TASP1: variants seen among roughly 807,000 people sequenced by gnomAD.
The protein encoded by TASP1 is threonine aspartase 1.
Under a neutral mutation model 56.6 loss-of-function variants are expected in TASP1, and 16 were observed. The observed-to-expected ratio is 0.28, with a 90% CI of 0.19 to 0.43. The LOEUF (loss-of-function observed/expected upper bound fraction) is 0.43. Among genes scored for constraint, TASP1 ranks in the 20% least tolerant of loss-of-function variants. The pLI, the probability that TASP1 is intolerant of heterozygous loss-of-function variation, is 1.00. For missense variants in TASP1, 393 were observed against 511.6 expected, an observed-to-expected ratio of 0.77 and a Z score of 2.24; for synonymous variants, 179 against 184.2, an observed-to-expected ratio of 0.97 and a Z score of 0.23.
At chr20:13,351,199 G>T in the TASP1 span, among the ~76,000 whole-genome samples, 2 of 152,144 alleles carry the variant, frequency 1.3e-5, no homozygotes, top group Non-Finnish European at 2.9e-5. Context: ...AACATGCAGA[G>T]CTACTGGAAC....
the TASP1 span, among the ~76,000 whole-genome samples, chr20:13,120,244 G>C: frequency 5.3e-5 from 8 of 152,156 alleles, no homozygotes; most frequent in Non-Finnish European, 1.0e-4. Context: ...TAGATAGATA[G>C]TTGATAGACA....
At chr20:13,538,498 T>C (rs1382405158) in intron 8 of TASP1, among the ~76,000 whole-genome samples, 1 of 152,214 alleles carries the variant, frequency 6.6e-6, no homozygotes, top group East Asian at 1.9e-4. Flanking sequence ...CCTCCTCGTA[T>C]ACCTCTGTCA....
chr20:13,290,684 G>A, the TASP1 span, among the ~76,000 whole-genome samples: 14 of 152,032 alleles, frequency 9.2e-5, no homozygotes, highest in Non-Finnish European at 1.9e-4. Flanking sequence ...GAAAGAAAAT[G>A]AAGATAAAGG....
At chr20:13,126,366 C>T in the TASP1 span, among the ~76,000 whole-genome samples, 2 of 152,194 alleles carry the variant, frequency 1.3e-5, no homozygotes, top group Non-Finnish European at 2.9e-5. Context: ...AAACCTGCAG[C>T]ATCCTGCTTT....
chr20:13,449,047 T>C (rs958487695), intron 11 of TASP1, among the ~76,000 whole-genome samples: 1 of 152,116 alleles, frequency 6.6e-6, no homozygotes, highest in Non-Finnish European at 1.5e-5. Context: ...ATTAAAACTT[T>C]TTTTTCTGGG....
In TASP1 at chr20:13,567,711, C is replaced by G. The variant is rs151215199; in HGVS notation, c.568+1796G>C. Among the ~76,000 whole-genome samples the G allele has an allele frequency of 3.2e-3, 493 of 152,182 alleles. 2 individuals carry two copies. The highest frequency in any genetic ancestry group is 0.012 in the East Asian group (60 of 5,176). On this transcript the variant is annotated intron_variant, in intron 7 of 13. Coordinates refer to ENST00000337743, the MANE Select transcript of TASP1 (RefSeq NM_017714.3). ...GACTGGAAACCAGATGATAAGAGAA[C>G]AATTTCCTCAAAAACCTAAGGGAAA...
the TASP1 span, chr20:13,160,110 A>C: frequency 6.2e-7 from 1 of 1,613,964 alleles, no homozygotes; most frequent in Non-Finnish European, 8.5e-7. Flanking sequence ...TCAGCGGCAC[A>C]TACCCGGGAG....
intron 11 of TASP1, among the ~76,000 whole-genome samples, chr20:13,474,013 T>C (rs1370361314): frequency 1.3e-5 from 2 of 152,124 alleles, no homozygotes; most frequent in Non-Finnish European, 2.9e-5. Flanking sequence ...GGGTTGTAAG[T>C]TACAGGGAGC....
At chr20:13,200,295 A>G in the TASP1 span, among the ~76,000 whole-genome samples, 1 of 152,210 alleles carries the variant, frequency 6.6e-6, no homozygotes, top group South Asian at 2.1e-4. Flanking sequence ...TCAGGTGTTG[A>G]GTGCTCACCA....
chr20:13,492,520 A>G (rs1374042214), intron 10 of TASP1, among the ~76,000 whole-genome samples: 4 of 152,186 alleles, frequency 2.6e-5, no homozygotes, highest in African/African-American at 7.2e-5. Context: ...TAGGACACAC[A>G]TGATTTCAGT....
chr20:13,500,557 G>A (rs2043908721), intron 10 of TASP1, among the ~76,000 whole-genome samples: 1 of 151,350 alleles, frequency 6.6e-6, no homozygotes, highest in Non-Finnish European at 1.5e-5. Flanking sequence ...TAAAAGATGG[G>A]AAACTCCAAC....
the TASP1 span, among the ~76,000 whole-genome samples, chr20:13,108,385 G>T: frequency 6.6e-6 from 1 of 152,146 alleles, no homozygotes; most frequent in Non-Finnish European, 1.5e-5. Flanking sequence ...CTCAGCTTTG[G>T]GGGAAGCCCT....
chr20:13,550,618 A>G (rs1316158002), intron 8 of TASP1, among the ~76,000 whole-genome samples: 1 of 152,136 alleles, frequency 6.6e-6, no homozygotes, highest in Non-Finnish European at 1.5e-5. Context: ...TCATATATTC[A>G]TATACTAATC....
chr20:13,342,194 T>C, the TASP1 span, among the ~76,000 whole-genome samples: 1 of 152,228 alleles, frequency 6.6e-6, no homozygotes, highest in East Asian at 1.9e-4. Flanking sequence ...GCCACACATG[T>C]GGGCTGGCCT....
chr20:13,435,208 T>A, intron 11 of TASP1, 54 bp from the exon 12 acceptor site: 2 of 1,323,912 alleles, frequency 1.5e-6, no homozygotes, highest in South Asian at 2.7e-5. Context: ...TTTTAAATTT[T>A]CAATTTTCAT....
At chr20:13,164,557 A>T in the TASP1 span, 1 of 592,626 alleles carries the variant, frequency 1.7e-6, no homozygotes, top group African/African-American at 1.9e-5. Flanking sequence ...ACTAAATAAA[A>T]TTAATTAGCA....
rs75634905 is a variant in TASP1, at chr20:13,629,007, C to A, written c.145+927G>T. Among the ~76,000 whole-genome samples, 1,227 of 152,290 alleles carry A rather than the reference C, an allele frequency of 8.1e-3. 21 individuals are homozygous for A. Among genetic ancestry groups the A allele is most frequent in the African/African-American group, 0.028 (1,157 of 41,552 alleles). On this transcript the variant is annotated intron_variant, in intron 2 of 13. Coordinates refer to ENST00000337743, the MANE Select transcript of TASP1 (RefSeq NM_017714.3). ...TTTCTTACACTGGCTCTAGCACCAA[C>A]CACCAGTGTCTGAAGTCTCTTAAGT... is the stretch of plus-strand genomic sequence containing the variant.
At chr20:13,173,883 C>A in the TASP1 span, among the ~76,000 whole-genome samples, 1 of 152,256 alleles carries the variant, frequency 6.6e-6, no homozygotes, top group East Asian at 1.9e-4. Context: ...AAATATGGTG[C>A]ACTTTATGGC....
the TASP1 span, among the ~76,000 whole-genome samples, chr20:13,137,640 AG>A: frequency 6.6e-6 from 1 of 152,184 alleles, no homozygotes; most frequent in African/African-American, 2.4e-5. Flanking sequence ...GCCCTGGGAA[AG>A]AAAGCATATA....
Sources: gnomAD v4.1 joint callset for allele counts (sites outside exome capture counted in the v4.1 genomes callset) on GRCh38, gnomAD v4.1.1 for gene constraint, MANE v1.5 for transcripts, NCBI Gene and HGNC (gene_info 2026-07-23, HGNC 2026-07-21) for gene names.